Variants in ADAMTSL1 observed in about 807,000 individuals in gnomAD.
ADAMTSL1 encodes the protein ADAMTS like 1.
ADAMTSL1 carries 126 observed loss-of-function variants against 201.8 expected under a neutral mutation model. The ratio of observed to expected loss-of-function variants is 0.62; its 90% CI spans 0.54 to 0.72. The LOEUF (loss-of-function observed/expected upper bound fraction) is 0.72. ADAMTSL1 is among the 30% of genes least tolerant of loss of function. ADAMTSL1 has a pLI of 0.00. For missense variants in ADAMTSL1, 2,679 were observed against 2,277.8 expected (o/e 1.18, Z -3.59); for synonymous variants, 1,121 against 903.4 (o/e 1.24, Z -4.32).
chr9:18,782,784 T>C (rs1419814256), intron 19 of ADAMTSL1, among the ~76,000 whole-genome samples: 1 of 152,184 alleles, frequency 6.6e-6, no homozygotes, highest in African/African-American at 2.4e-5. Context: ...AGCACTGTGA[T>C]GTGAGGAGGA....
At chr9:18,656,102 C>A (rs1828641713) in intron 7 of ADAMTSL1, among the ~76,000 whole-genome samples, 1 of 152,014 alleles carries the variant, frequency 6.6e-6, no homozygotes, top group Admixed American at 6.6e-5. Flanking sequence ...TCTTTCCACC[C>A]CTCTCAGACT....
At chr9:18,847,234 G>C (rs1026683240) in intron 23 of ADAMTSL1, among the ~76,000 whole-genome samples, 6 of 152,110 alleles carry the variant, frequency 3.9e-5, no homozygotes, top group Non-Finnish European at 8.8e-5. Flanking sequence ...TGCTTTCTTT[G>C]ATGAAAGGGT....
At chr9:18,519,815 A>G (rs1818576970) in intron 2 of ADAMTSL1, among the ~76,000 whole-genome samples, 2 of 152,226 alleles carry the variant, frequency 1.3e-5, no homozygotes, top group Admixed American at 1.3e-4. Flanking sequence ...TTTTTTGAGC[A>G]GTATGTTCAG....
intron 2 of ADAMTSL1, among the ~76,000 whole-genome samples, chr9:18,291,668 ATCTC>A (rs143766877): frequency 5.0e-5 from 6 of 120,100 alleles, no homozygotes. Context: ...TCTCCCCATC[ATCTC>A]TCTCTCTCTC....
intron 1 of ADAMTSL1, among the ~76,000 whole-genome samples, chr9:18,046,319 G>C (rs1821656187): frequency 6.6e-6 from 1 of 152,098 alleles, no homozygotes; most frequent in Non-Finnish European, 1.5e-5. Context: ...TTGTTGGTCT[G>C]CCACCTTTAA....
intron 15 of ADAMTSL1, among the ~76,000 whole-genome samples, chr9:18,722,114 G>A (rs933321636): frequency 3.3e-5 from 5 of 151,622 alleles, no homozygotes; most frequent in Admixed American, 3.3e-4. Context: ...CACACAGCAT[G>A]CAGATTCATC....
At chr9:18,873,337 G>A (rs910758538) in intron 23 of ADAMTSL1, among the ~76,000 whole-genome samples, 5 of 151,890 alleles carry the variant, frequency 3.3e-5, no homozygotes, top group South Asian at 2.1e-4. Context: ...TTTTTATTGC[G>A]TTTGCTTTGG....
At chr9:18,346,045 A>G (rs937571019) in intron 2 of ADAMTSL1, among the ~76,000 whole-genome samples, 1 of 152,078 alleles carries the variant, frequency 6.6e-6, no homozygotes, top group Non-Finnish European at 1.5e-5. Context: ...CCCACTTCTA[A>G]TCATCTCCAA....
chr9:18,569,874 G>A (rs1822183496), intron 3 of ADAMTSL1, among the ~76,000 whole-genome samples: 1 of 152,074 alleles, frequency 6.6e-6, no homozygotes. Flanking sequence ...GATGAGAGCA[G>A]AAATCCCACA....
chr9:18,526,235 G>A (rs1051313493), intron 2 of ADAMTSL1, among the ~76,000 whole-genome samples: 1 of 152,148 alleles, frequency 6.6e-6, no homozygotes, highest in African/African-American at 2.4e-5. Context: ...TTGATTTAAA[G>A]TTTGTTTTAT....
chr9:18,301,728 A>T (rs539489054), intron 2 of ADAMTSL1, among the ~76,000 whole-genome samples: 1 of 152,314 alleles, frequency 6.6e-6, no homozygotes, highest in African/African-American at 2.4e-5. Context: ...AACCACTTAG[A>T]GGAAATACTA....
chr9:18,577,164 G>A (rs1822788201), intron 4 of ADAMTSL1, among the ~76,000 whole-genome samples: 1 of 152,108 alleles, frequency 6.6e-6, no homozygotes, highest in Non-Finnish European at 1.5e-5. Flanking sequence ...CTTACAGATT[G>A]GAAAGCAGAC....
At chr9:18,876,313 T>TGTGTGTGA (rs1197722171) in intron 23 of ADAMTSL1, among the ~76,000 whole-genome samples, 1 of 151,420 alleles carries the variant, frequency 6.6e-6, no homozygotes, top group Non-Finnish European at 1.5e-5. Context: ...TGTGTGTGTG[T>TGTGTGTGA]GTGTGTGTGT....
chr9:18,108,033 G>T (rs1824836980), intron 1 of ADAMTSL1, among the ~76,000 whole-genome samples: 1 of 152,046 alleles, frequency 6.6e-6, no homozygotes, highest in African/African-American at 2.4e-5. Flanking sequence ...AATGATTTTT[G>T]AAAGTAGGTC....
chr9:18,534,264 T>C (rs1287089297), intron 3 of ADAMTSL1, among the ~76,000 whole-genome samples: 2 of 152,034 alleles, frequency 1.3e-5, no homozygotes, highest in Non-Finnish European at 2.9e-5. Flanking sequence ...GGCTTAAGCC[T>C]TCATTAGTAG....
intron 3 of ADAMTSL1, among the ~76,000 whole-genome samples, chr9:18,572,651 T>C (rs1822407569): frequency 6.6e-6 from 1 of 152,206 alleles, no homozygotes; most frequent in Non-Finnish European, 1.5e-5. Context: ...AGAAAGAATT[T>C]GTGCTCCCTC....
At chr9:18,173,398 G>A (rs1433999863) in intron 2 of ADAMTSL1, among the ~76,000 whole-genome samples, 1 of 152,096 alleles carries the variant, frequency 6.6e-6, no homozygotes, top group Non-Finnish European at 1.5e-5. Flanking sequence ...TGTGCCTCTA[G>A]TAAATAATGT....
chr9:18,717,248 A>AATT (rs1041749199), intron 14 of ADAMTSL1, among the ~76,000 whole-genome samples: 4 of 148,098 alleles, frequency 2.7e-5, no homozygotes, highest in African/African-American at 1.0e-4. Flanking sequence ...TAATAATAAT[A>AATT]ATAATAAATA....
intron 2 of ADAMTSL1, among the ~76,000 whole-genome samples, chr9:18,302,209 A>C (rs927049092): frequency 1.3e-5 from 2 of 151,800 alleles, no homozygotes; most frequent in Non-Finnish European, 2.9e-5. Flanking sequence ...GGAAGAGGGA[A>C]CTCCCCCTGC....
Sources: allele counts gnomAD v4.1 joint callset (sites outside exome capture counted in the v4.1 genomes callset), GRCh38; gene constraint gnomAD v4.1.1; transcripts MANE v1.5; gene names NCBI Gene and HGNC (gene_info 2026-07-23, HGNC 2026-07-21).